The following WEE2 variants were observed in gnomAD, a reference collection of about 807,000 sequenced individuals.
The protein encoded by WEE2 is wee1-like protein kinase 2.
In WEE2, 50 loss-of-function variants were observed where a neutral mutation model predicts 60.1. The observed-to-expected ratio is 0.83, with a 90% confidence interval of 0.66 to 1.05. The LOEUF (loss-of-function observed/expected upper bound fraction) is 1.05, where lower values mean the gene tolerates loss of function less well. Ranked by LOEUF, WEE2 falls within the 50% of genes least tolerant of loss-of-function variation. The pLI is 0.00. For missense variants in WEE2, 631 were observed against 684.3 expected, an observed-to-expected ratio of 0.92 and a Z score of 0.87; for synonymous variants, 240 against 241.0, an observed-to-expected ratio of 1.00 and a Z score of 0.04.
intron 1 of WEE2, among the ~76,000 whole-genome samples, chr7:141,713,997 G>A (rs561372914): frequency 6.6e-6 from 1 of 152,128 alleles, no homozygotes; most frequent in African/African-American, 2.4e-5. Flanking sequence ...TTCCTGTGTT[G>A]ACTTCATGAA....
chr7:141,715,694 C>G (rs1393156713), intron 2 of WEE2, among the ~76,000 whole-genome samples: 1 of 152,022 alleles, frequency 6.6e-6, no homozygotes, highest in Non-Finnish European at 1.5e-5. Context: ...AAGCCAGATT[C>G]TAGGGGAGGG....
Position 141,708,922 on chromosome 7 carries a change from C to T in WEE2, c.164C>T (p.Pro55Leu). 2.5e-6 allele frequency: 4 copies of T among 1,614,104 alleles called. No homozygotes were observed. The highest frequency in any genetic ancestry group is 3.4e-6 in the Non-Finnish European group (4 of 1,180,012). The part of the protein sequence containing the change: ...EVQDSEAKGT[P>L]PWTPLSNVHE... Reference sequence around the variant, plus strand: ...CAGGATTCAGAGGCAAAGGGTACACCACCTTGGACTCCCCTTAGCAACGTG... The same window carrying T: ...CAGGATTCAGAGGCAAAGGGTACACTACCTTGGACTCCCCTTAGCAACGTG... The change falls in exon 1 of 12, where the codon CCA becomes CTA. Residue 55 changes from proline (P) to leucine (L), a missense_variant. Physicochemically the swap from Pro to Leu is moderately conservative, Grantham distance 98 (BLOSUM62 -3). Transcript: ENST00000397541.
At chr7:141,726,718 G>C (rs1799024906) in intron 9 of WEE2, among the ~76,000 whole-genome samples, 1 of 152,202 alleles carries the variant, frequency 6.6e-6, no homozygotes, top group Non-Finnish European at 1.5e-5. Flanking sequence ...TGGAGCTTCA[G>C]CAAAGTTTAT....
chr7:141,726,046 C>CA (rs1275655322), intron 9 of WEE2, among the ~76,000 whole-genome samples: 1 of 152,042 alleles, frequency 6.6e-6, no homozygotes, highest in Non-Finnish European at 1.5e-5. Flanking sequence ...AATGTCAATT[C>CA]AAAAATCTAT....
chr7:141,725,165 A>C lies in WEE2; in HGVS notation c.1361A>C (p.Glu454Ala). 1 of 1,614,180 alleles carries C rather than the reference A, an allele frequency of 6.2e-7. No homozygotes were observed. Among genetic ancestry groups the C allele is most frequent in the Non-Finnish European group, 8.5e-7 (1 of 1,180,014 alleles). Residue 454 changes from glutamate (E) to alanine (A), a missense_variant, in exon 9 of 12, where the codon GAG becomes GCG. Transcript: ENST00000397541. ...GGTAACTTTCCGGACGTTCCTCAGG[A>C]GCTCTCAGAAAGCTTTTCCAGTCTG... ...RKGNFPDVPQ[E>A]LSESFSSLLK...
chr7:141,730,030 C>A (rs920942770), intron 11 of WEE2, among the ~76,000 whole-genome samples: 1 of 151,002 alleles, frequency 6.6e-6, no homozygotes, highest in African/African-American at 2.4e-5. Context: ...CACCAGCCAA[C>A]CTTTTACTGT....
Position 141,720,141 on chromosome 7 carries a change from C to CTTTTTTTTTT in WEE2, c.759-771_759-762dup, listed in dbSNP as rs571238574. Among the ~76,000 whole-genome samples the CTTTTTTTTTT allele has an allele frequency of 7.5e-4, 48 of 64,200 alleles. 4 individuals are homozygous for CTTTTTTTTTT. The highest frequency in any genetic ancestry group is 4.5e-3 in the South Asian group (5 of 1,108). 42.1% of individuals were successfully genotyped at this position (64,200 alleles called of 152,430 possible). On this transcript the variant is annotated intron_variant, in intron 4 of 11. Coordinates refer to ENST00000397541, the MANE Select transcript of WEE2 (RefSeq NM_001105558.1). ...GTTTTATACAGGTTTTAGAATTCCTCTTTTTTTTTTTTTTTTTTTTTTTTT... is the reference window on the plus strand; with the variant it reads ...GTTTTATACAGGTTTTAGAATTCCTCTTTTTTTTTTTTTTTTTTTTTTTTTTTTTTTTTTT...
intron 9 of WEE2, 104 bp from the exon 10 acceptor site, chr7:141,727,200 T>G: frequency 7.8e-7 from 1 of 1,286,622 alleles, no homozygotes; most frequent in Non-Finnish European, 1.1e-6. Flanking sequence ...AAGCAATGTC[T>G]TACAAAATCC....
rs1047741706 is a variant in WEE2, at chr7:141,730,496, T to C, written c.*176T>C. On this transcript the variant is annotated 3_prime_UTR_variant, in exon 12 of 12. Coordinates refer to ENST00000397541, the MANE Select transcript of WEE2 (RefSeq NM_001105558.1). ...TGGATTTCCACAGCGCTTCCCAGGT[T>C]ATATGATGCTGTTCCTAAGAGAGAA... 2 of 584,120 alleles carry C rather than the reference T, an allele frequency of 3.4e-6. No homozygotes were observed. Among genetic ancestry groups the C allele is most frequent in the Non-Finnish European group, 6.1e-6 (2 of 327,592 alleles). The allele number at this position is 584,120 out of a possible 1,614,324, so 36.2% of individuals were successfully genotyped here.
chr7:141,730,250 C>G, intron 11 of WEE2, 45 bp from the exon 12 acceptor site: 1 of 1,594,982 alleles, frequency 6.3e-7, no homozygotes, highest in Non-Finnish European at 8.6e-7. Flanking sequence ...ATTCCTAATG[C>G]CACTGATCAA....
Position 141,730,395 on chromosome 7 carries a change from T to C in WEE2, c.*75T>C. Reference sequence around the variant, plus strand: ...GCTGTTGCTGATTCCCCACCAAAGATCCCAGGGACTCGTTGTACATAGAAA... The same window carrying C: ...GCTGTTGCTGATTCCCCACCAAAGACCCCAGGGACTCGTTGTACATAGAAA... On this transcript the variant is annotated 3_prime_UTR_variant, in exon 12 of 12. Transcript: ENST00000397541. 1 of 1,322,940 alleles carries C rather than the reference T, an allele frequency of 7.6e-7. No homozygotes were observed. Among genetic ancestry groups the C allele is most frequent in the Non-Finnish European group, 1.1e-6 (1 of 924,718 alleles). 82.0% of individuals were successfully genotyped at this position (1,322,940 alleles called of 1,614,324 possible). A position where few individuals can be genotyped will look rare whatever the true frequency, so the allele number is the denominator to read the frequency against.
chr7:141,729,687 C>T lies in WEE2; in HGVS notation c.1678+14C>T. ...CAAGCTTTACCTGTGAGTAATCTTCCCCTTAAGAACTCATTTTGCAGCCGG... is the reference window on the plus strand; with the variant it reads ...CAAGCTTTACCTGTGAGTAATCTTCTCCTTAAGAACTCATTTTGCAGCCGG... On this transcript the variant is annotated intron_variant, in intron 11 of 11. Transcript: ENST00000397541. 1.2e-6 allele frequency: 2 copies of T among 1,600,458 alleles called. No homozygotes were observed. Among genetic ancestry groups the T allele is most frequent in the Non-Finnish European group, 1.7e-6 (2 of 1,174,442 alleles).
At chr7:141,727,106 T>C in intron 9 of WEE2, 198 bp from the exon 10 acceptor site, 4 of 529,538 alleles carry the variant, frequency 7.6e-6, no homozygotes, top group Non-Finnish European at 1.3e-5. Context: ...ATCAAAGGTG[T>C]GGACAACTGG....
intron 9 of WEE2, among the ~76,000 whole-genome samples, chr7:141,726,796 C>T (rs1301841782): frequency 6.6e-6 from 1 of 152,116 alleles, no homozygotes; most frequent in African/African-American, 2.4e-5. Flanking sequence ...CATTATATGA[C>T]AGTTTCAGTT....
chr7:141,719,528 G>A (rs1165876487), intron 4 of WEE2, among the ~76,000 whole-genome samples: 4 of 152,170 alleles, frequency 2.6e-5, no homozygotes, highest in African/African-American at 4.8e-5. Context: ...TTGGCTCACT[G>A]CAATCTCCAC....
intron 1 of WEE2, among the ~76,000 whole-genome samples, chr7:141,713,256 A>G (rs964839279): frequency 2.0e-5 from 3 of 152,168 alleles, no homozygotes; most frequent in African/African-American, 2.4e-5. Context: ...ATGGGCAGAG[A>G]TGATCAGAAC....
At chr7:141,723,813 CCTT>C in intron 6 of WEE2, 125 bp from the exon 7 acceptor site, 1 of 603,036 alleles carries the variant, frequency 1.7e-6, no homozygotes, top group South Asian at 2.4e-5. Flanking sequence ...AAAAAAAAAA[CCTT>C]AGTAGTCTAT....
Position 141,724,287 on chromosome 7 carries a change from G to A in WEE2, c.1221+12G>A, listed in dbSNP as rs1028282877. Reference sequence around the variant, plus strand: ...AGATTTTGCAAGAGGTATAGATTAGGGAAATGGAGGGTATTTTATAATCTG... The same window carrying A: ...AGATTTTGCAAGAGGTATAGATTAGAGAAATGGAGGGTATTTTATAATCTG... On this transcript the variant is annotated intron_variant, in intron 8 of 11. Transcript: ENST00000397541. The A allele has an allele frequency of 1.9e-6, 3 of 1,594,758 alleles. No individual in the cohort carries two copies. In the African/African-American group the frequency reaches 4.1e-5, roughly 22 times the overall value.
At chr7:141,722,279 C>T (rs1563015618) in intron 5 of WEE2, among the ~76,000 whole-genome samples, 1 of 152,108 alleles carries the variant, frequency 6.6e-6, no homozygotes, top group Admixed American at 6.5e-5. Context: ...GTGGCATGCA[C>T]CTTTAGTCCC....
Sources: allele counts gnomAD v4.1 joint callset (sites outside exome capture counted in the v4.1 genomes callset), GRCh38; gene constraint gnomAD v4.1.1; transcripts MANE v1.5; gene names NCBI Gene and HGNC (gene_info 2026-07-23, HGNC 2026-07-21).